Variants in TAFA1 observed in about 807,000 individuals in gnomAD.
The protein encoded by TAFA1 is TAFA chemokine like family member 1.
TAFA1 carries 4 observed loss-of-function variants against 18.5 expected under a neutral mutation model. The observed-to-expected ratio is 0.22, with a 90% confidence interval of 0.11 to 0.49. The LOEUF (loss-of-function observed/expected upper bound fraction) is 0.49, where lower values mean the gene tolerates loss of function less well. Ranked by LOEUF, TAFA1 falls within the 20% of genes least tolerant of loss-of-function variation. The pLI is 0.98. For missense variants in TAFA1, 147 were observed against 169.0 expected, an observed-to-expected ratio of 0.87 and a Z score of 0.72; for synonymous variants, 56 against 55.2, an observed-to-expected ratio of 1.01 and a Z score of -0.06.
At chr3:68,218,721 T>C (rs1350053489) in intron 2 of TAFA1, among the ~76,000 whole-genome samples, 1 of 152,164 alleles carries the variant, frequency 6.6e-6, no homozygotes, top group African/African-American at 2.4e-5. Flanking sequence ...TTCTGCTTAA[T>C]TAACCTGAGA....
chr3:68,121,090 G>A (rs1428643492), intron 2 of TAFA1, among the ~76,000 whole-genome samples: 2 of 152,130 alleles, frequency 1.3e-5, no homozygotes, highest in East Asian at 3.8e-4. Context: ...TCAGTATTGG[G>A]ATGAAAAGCC....
At chr3:68,302,346 A>C (rs542958012) in intron 2 of TAFA1, among the ~76,000 whole-genome samples, 1 of 152,148 alleles carries the variant, frequency 6.6e-6, no homozygotes, top group South Asian at 2.1e-4. Flanking sequence ...AACACCATAC[A>C]CATGTCCAGA....
At chr3:68,285,788 A>T (rs1575746598) in intron 2 of TAFA1, among the ~76,000 whole-genome samples, 1 of 152,206 alleles carries the variant, frequency 6.6e-6, no homozygotes, top group East Asian at 1.9e-4. Flanking sequence ...GGGTGAAATG[A>T]TAAAAGTAAT....
intron 3 of TAFA1, among the ~76,000 whole-genome samples, chr3:68,537,213 A>G (rs1043708409): frequency 2.6e-5 from 4 of 152,210 alleles, no homozygotes; most frequent in Non-Finnish European, 5.9e-5. Context: ...GGGGGCAAAG[A>G]AAAACTCCTT....
chr3:68,076,286 T>G (rs1284330444), intron 2 of TAFA1, among the ~76,000 whole-genome samples: 4 of 151,808 alleles, frequency 2.6e-5, no homozygotes, highest in Non-Finnish European at 4.4e-5. Context: ...TACTTCTTTT[T>G]TTTTTTGAAT....
chr3:68,309,303 A>G (rs1299290654), intron 2 of TAFA1, among the ~76,000 whole-genome samples: 2 of 152,238 alleles, frequency 1.3e-5, no homozygotes, highest in African/African-American at 4.8e-5. Flanking sequence ...ATAATCAATT[A>G]TAATATGCCC....
At chr3:68,201,245 T>C (rs1380643173) in intron 2 of TAFA1, among the ~76,000 whole-genome samples, 1 of 151,752 alleles carries the variant, frequency 6.6e-6, no homozygotes, top group Non-Finnish European at 1.5e-5. Context: ...GAGAGCAGAC[T>C]TTTTATAATT....
chr3:68,439,412 C>CATACATACATATATATAT (rs1264523262), intron 3 of TAFA1, among the ~76,000 whole-genome samples: 1 of 73,462 alleles, frequency 1.4e-5, no homozygotes, highest in African/African-American at 7.1e-5. Context: ...TATATACATA[C>CATACATACATATATATAT]ATATATATAT....
intron 2 of TAFA1, among the ~76,000 whole-genome samples, chr3:68,036,802 T>G (rs1705059658): frequency 6.6e-6 from 1 of 152,200 alleles, no homozygotes; most frequent in Non-Finnish European, 1.5e-5. Context: ...ACTCTGTGGA[T>G]CTCCAAAGAG....
chr3:68,390,099 C>T (rs1051451621), intron 2 of TAFA1, among the ~76,000 whole-genome samples: 1 of 152,130 alleles, frequency 6.6e-6, no homozygotes, highest in Non-Finnish European at 1.5e-5. Flanking sequence ...AGCTAAGGTC[C>T]ACTGGCTTGA....
chr3:68,148,334 C>G (rs965638171), intron 2 of TAFA1, among the ~76,000 whole-genome samples: 3 of 152,220 alleles, frequency 2.0e-5, no homozygotes, highest in Non-Finnish European at 4.4e-5. Flanking sequence ...CTCCTTCTCT[C>G]ATATCATTTT....
intron 2 of TAFA1, among the ~76,000 whole-genome samples, chr3:68,202,934 A>G (rs550870849): frequency 2.0e-5 from 3 of 151,734 alleles, no homozygotes; most frequent in African/African-American, 7.2e-5. Context: ...TTTTAAATAG[A>G]GTTTCTGACC....
chr3:68,396,933 C>T (rs1289660484), intron 2 of TAFA1, among the ~76,000 whole-genome samples: 2 of 152,124 alleles, frequency 1.3e-5, no homozygotes, highest in Non-Finnish European at 2.9e-5. Flanking sequence ...GTCTTTCACC[C>T]TTTCCCTTGC....
At position 68,297,352 on chromosome 3, in the gene TAFA1, G is replaced by A. The variant is rs116616096; in HGVS notation, c.119-119928G>A. Reference sequence around the variant, plus strand: ...TTCTACAGAAGCCAACAGTTAGCATGGAACATTCCTAAGTCTTCAGAATAG... The same window carrying A: ...TTCTACAGAAGCCAACAGTTAGCATAGAACATTCCTAAGTCTTCAGAATAG... On this transcript the variant is annotated intron_variant, in intron 2 of 4. Transcript: ENST00000478136. 5.4e-3 allele frequency among the ~76,000 whole-genome samples: 816 copies of A among 152,256 alleles called. 6 individuals are homozygous for A. The highest frequency in any genetic ancestry group is 0.018 in the African/African-American group (757 of 41,544).
At chr3:68,383,357 C>A (rs1268001067) in intron 2 of TAFA1, among the ~76,000 whole-genome samples, 1 of 151,996 alleles carries the variant, frequency 6.6e-6, no homozygotes, top group East Asian at 1.9e-4. Flanking sequence ...GAGGTATGTT[C>A]CTTCAATACC....
intron 2 of TAFA1, among the ~76,000 whole-genome samples, chr3:68,172,769 A>G (rs2066072476): frequency 6.6e-6 from 1 of 152,174 alleles, no homozygotes; most frequent in Non-Finnish European, 1.5e-5. Flanking sequence ...GCAGTCACCA[A>G]AGGGCGCATA....
At chr3:68,084,480 A>G (rs2064946378) in intron 2 of TAFA1, among the ~76,000 whole-genome samples, 1 of 152,062 alleles carries the variant, frequency 6.6e-6, no homozygotes, top group South Asian at 2.1e-4. Flanking sequence ...TTCACCTCTA[A>G]CTCTTAGTCT....
intron 2 of TAFA1, among the ~76,000 whole-genome samples, chr3:68,185,288 T>C (rs763406797): frequency 1.9e-4 from 29 of 152,124 alleles, no homozygotes; most frequent in Non-Finnish European, 3.1e-4. Flanking sequence ...CAAATCACAT[T>C]TGGGGAGCCA....
intron 3 of TAFA1, among the ~76,000 whole-genome samples, chr3:68,476,075 A>T (rs1420401749): frequency 2.0e-5 from 3 of 152,136 alleles, no homozygotes. Context: ...TTGTCAGTTG[A>T]GTAGATTGCA....
Sources: gnomAD v4.1 joint callset for allele counts (sites outside exome capture counted in the v4.1 genomes callset) on GRCh38, gnomAD v4.1.1 for gene constraint, MANE v1.5 for transcripts, NCBI Gene and HGNC (gene_info 2026-07-23, HGNC 2026-07-21) for gene names.